WLS: variants seen among roughly 807,000 people sequenced by gnomAD.
WLS encodes Wnt ligand secretion mediator, also known as protein wntless homolog.
WLS carries 23 observed loss-of-function variants against 62.8 expected under a neutral mutation model. The observed-to-expected ratio is 0.37, with a 90% CI of 0.26 to 0.52. The LOEUF (loss-of-function observed/expected upper bound fraction) is 0.52. WLS is among the 20% of genes least tolerant of loss of function. WLS has a pLI of 0.92. For missense variants in WLS, 615 were observed against 697.3 expected, an observed-to-expected ratio of 0.88 and a Z score of 1.33; for synonymous variants, 246 against 244.1, an observed-to-expected ratio of 1.01 and a Z score of -0.07.
At chr1:68,098,940 C>G (rs1427736319) in intron 11 of WLS, 1 of 874,490 alleles carries the variant, frequency 1.1e-6, no homozygotes, top group African/African-American at 1.7e-5. Flanking sequence ...TCTCCCTTGC[C>G]CACTAAATCT....
In WLS at chr1:68,187,189, C is replaced by CAAAAAAAAAAAAAAAAAAAAAAAAAAA. The variant is rs34130992; in HGVS notation, c.379+6765_379+6766insTTTTTTTTTTTTTTTTTTTTTTTTTTT. Among the ~76,000 whole-genome samples, 147 of 57,124 alleles carry CAAAAAAAAAAAAAAAAAAAAAAAAAAA rather than the reference C, an allele frequency of 2.6e-3. 7 individuals are homozygous for CAAAAAAAAAAAAAAAAAAAAAAAAAAA. Among genetic ancestry groups the CAAAAAAAAAAAAAAAAAAAAAAAAAAA allele is most frequent in the East Asian group, 7.3e-3 (14 of 1,922 alleles). 37.5% of individuals were successfully genotyped at this position (57,124 alleles called of 152,430 possible). On this transcript the variant is annotated intron_variant, in intron 2 of 11. Transcript: ENST00000262348. ...GGGGGACAGAGCAAGACTCCATCTC[C>CAAAAAAAAAAAAAAAAAAAAAAAAAAA]AAAAAAAAAAAAAAAAAAAAAATTA...
At chr1:68,230,052 T>C (rs945308001) in intron 1 of WLS, among the ~76,000 whole-genome samples, 1 of 152,126 alleles carries the variant, frequency 6.6e-6, no homozygotes, top group Non-Finnish European at 1.5e-5. Context: ...TCTGACCCTA[T>C]AGTCGCTCCA....
intron 11 of WLS, among the ~76,000 whole-genome samples, chr1:68,137,506 G>A (rs1646627853): frequency 3.9e-5 from 6 of 152,110 alleles, no homozygotes; most frequent in Admixed American, 2.0e-4. Context: ...TTTGACTCTT[G>A]TTCTAAAATC....
chr1:68,193,720 A>T, intron 2 of WLS: 1 of 522,714 alleles, frequency 1.9e-6, no homozygotes, highest in Non-Finnish European at 3.3e-6. Context: ...GAGTAACCTC[A>T]CTGGTGCCCA....
chr1:68,170,108 T>TCA (rs1368375734), intron 2 of WLS, among the ~76,000 whole-genome samples: 2 of 151,042 alleles, frequency 1.3e-5, no homozygotes, highest in Admixed American at 6.6e-5. Context: ...TGCCAAGCAC[T>TCA]CAGCACAGGC....
intron 11 of WLS, among the ~76,000 whole-genome samples, chr1:68,106,487 T>C (rs1222514794): frequency 2.0e-5 from 3 of 152,176 alleles, no homozygotes; most frequent in Non-Finnish European, 4.4e-5. Context: ...CCTTCAGGTC[T>C]GGGAGCCCCA....
intron 11 of WLS, among the ~76,000 whole-genome samples, chr1:68,119,317 C>A (rs1340547102): frequency 2.0e-5 from 3 of 152,188 alleles, no homozygotes; most frequent in African/African-American, 4.8e-5. Flanking sequence ...GACATTTTAA[C>A]AGTATTTATC....
intron 1 of WLS, among the ~76,000 whole-genome samples, chr1:68,222,097 A>T (rs1235546051): frequency 1.3e-5 from 2 of 152,234 alleles, no homozygotes; most frequent in Non-Finnish European, 2.9e-5. Flanking sequence ...ATCCTCCGAA[A>T]GCACAAGAAT....
At chr1:68,224,770 G>A (rs1650074449) in intron 1 of WLS, among the ~76,000 whole-genome samples, 2 of 152,060 alleles carry the variant, frequency 1.3e-5, no homozygotes, top group Admixed American at 6.6e-5. Context: ...GAAGCAAAAC[G>A]AAAAGGTGGG....
chr1:68,202,494 T>C (rs930083656), intron 1 of WLS: 1 of 152,102 alleles, frequency 6.6e-6, no homozygotes, highest in Non-Finnish European at 1.5e-5. Flanking sequence ...CCCTGAAAAA[T>C]GCCTGCAATT....
intron 1 of WLS, among the ~76,000 whole-genome samples, chr1:68,209,339 TC>T: frequency 6.6e-6 from 1 of 152,212 alleles, no homozygotes; most frequent in Non-Finnish European, 1.5e-5. Context: ...TCTCAGCAAT[TC>T]ATAACCATTA....
At chr1:68,186,765 C>A in intron 2 of WLS, 1 of 438,216 alleles carries the variant, frequency 2.3e-6, no homozygotes. Context: ...TATACTAAAA[C>A]ATGTGTGTAT....
chr1:68,116,391 T>C (rs1646292331), intron 11 of WLS, among the ~76,000 whole-genome samples: 1 of 152,192 alleles, frequency 6.6e-6, no homozygotes, highest in Admixed American at 6.5e-5. Flanking sequence ...TTCCATCTAA[T>C]AATGGCTCCG....
downstream of WLS, among the ~76,000 whole-genome samples, chr1:68,123,678 A>T (rs917305365): frequency 1.3e-5 from 2 of 152,146 alleles, no homozygotes; most frequent in Non-Finnish European, 2.9e-5. Flanking sequence ...ACACCGATCT[A>T]TAAGGTAGGC....
rs1242083736 is a variant in WLS at position 68,106,786 on chromosome 1, T to A, written c.1511-8033A>T. On this transcript the variant is annotated intron_variant, in intron 11 of 11. Coordinates refer to the WLS transcript ENST00000354777. ...TAGGTGGGTGGGTGAGTATAGAGGC[T>A]ACTGGTATGCAGTGTCCAGGACAAG... 2.0e-5 allele frequency among the ~76,000 whole-genome samples: 3 copies of A among 151,844 alleles called. No individual in the cohort carries two copies. In the East Asian group the frequency reaches 5.8e-4, roughly 29 times the overall value.
At chr1:68,159,306 G>C in intron 2 of WLS, 59 bp from the exon 3 acceptor site, 3 of 1,578,148 alleles carry the variant, frequency 1.9e-6, no homozygotes, top group Non-Finnish European at 2.6e-6. Context: ...TTTAGAAACA[G>C]CTCAAAAAAT....
chr1:68,108,361 G>C (rs1396743514), intron 11 of WLS, among the ~76,000 whole-genome samples: 1 of 152,122 alleles, frequency 6.6e-6, no homozygotes, highest in Non-Finnish European at 1.5e-5. Flanking sequence ...TCTCTTAAAA[G>C]AGACCAAAAG....
At chr1:68,132,285 T>G (rs1345174588) in intron 11 of WLS, among the ~76,000 whole-genome samples, 1 of 152,134 alleles carries the variant, frequency 6.6e-6, no homozygotes, top group Non-Finnish European at 1.5e-5. Context: ...CACTGGGGAA[T>G]GGGAAAACGC....
intron 11 of WLS, among the ~76,000 whole-genome samples, chr1:68,102,949 C>T (rs538148808): frequency 1.3e-5 from 2 of 152,296 alleles, no homozygotes; most frequent in East Asian, 3.9e-4. Flanking sequence ...CATTTAGAAA[C>T]ACCTGCATCT....
Sources: allele counts gnomAD v4.1 joint callset (sites outside exome capture counted in the v4.1 genomes callset), GRCh38; gene constraint gnomAD v4.1.1; transcripts MANE v1.5; gene names NCBI Gene and HGNC (gene_info 2026-07-23, HGNC 2026-07-21).